FRMD3: variants seen among roughly 807,000 people sequenced by gnomAD.
The protein encoded by FRMD3 is FERM domain-containing protein 3.
A neutral mutation model predicts 70.2 loss-of-function variants in FRMD3; 33 were observed. The ratio of observed to expected loss-of-function variants is 0.47; its 90% CI spans 0.36 to 0.63. FRMD3 has a LOEUF of 0.63. FRMD3 is among the 20% of genes least tolerant of loss of function. The pLI is 0.00. For missense variants in FRMD3, 632 were observed against 711.4 expected, an observed-to-expected ratio of 0.89 and a Z score of 1.27; for synonymous variants, 279 against 255.9, an observed-to-expected ratio of 1.09 and a Z score of -0.86.
chr9:83,325,642 T>C (rs955168079), intron 6 of FRMD3, among the ~76,000 whole-genome samples: 2 of 152,168 alleles, frequency 1.3e-5, no homozygotes, highest in African/African-American at 4.8e-5. Flanking sequence ...TTCATTTAAA[T>C]TGCAACTTTT....
At chr9:83,510,416 C>T (rs548203792) in intron 1 of FRMD3, among the ~76,000 whole-genome samples, 2 of 152,320 alleles carry the variant, frequency 1.3e-5, no homozygotes, top group East Asian at 3.9e-4. Context: ...GATCCCTATG[C>T]ATGGCTGGCG....
chr9:83,405,932 C>A lies in FRMD3; in HGVS notation c.148-16224G>T, dbSNP rs190718384. ...TGACGAAAATTCTGCCAATTTTACT[C>A]GGTCACAGATTAAAGCAAACAGTAA... On this transcript the variant is annotated intron_variant, in intron 1 of 13. Transcript: ENST00000304195. 6.5e-4 allele frequency among the ~76,000 whole-genome samples: 99 copies of A among 152,188 alleles called. 1 individual carries two copies. The South Asian group carries it at 0.014, about 21-fold the overall frequency.
At chr9:83,358,146 A>G (rs909821731) in intron 3 of FRMD3, among the ~76,000 whole-genome samples, 3 of 152,142 alleles carry the variant, frequency 2.0e-5, no homozygotes, top group Admixed American at 2.0e-4. Context: ...TCATTCTTCT[A>G]TATGTGGCTT....
intron 1 of FRMD3, among the ~76,000 whole-genome samples, chr9:83,468,461 A>T (rs1158591332): frequency 6.6e-6 from 1 of 152,214 alleles, no homozygotes; most frequent in Non-Finnish European, 1.5e-5. Flanking sequence ...AGCACATGAG[A>T]GCAGTACCAC....
chr9:83,352,560 T>G (rs547385588), intron 3 of FRMD3, among the ~76,000 whole-genome samples: 1 of 152,184 alleles, frequency 6.6e-6, no homozygotes, highest in Non-Finnish European at 1.5e-5. Flanking sequence ...GCTCTGAGGC[T>G]CCAGGAAGGT....
At chr9:83,250,838 C>G (rs1281240971) in intron 13 of FRMD3, among the ~76,000 whole-genome samples, 2 of 152,218 alleles carry the variant, frequency 1.3e-5, no homozygotes, top group East Asian at 3.9e-4. Context: ...AGCCAGGGTT[C>G]TACAGACAGA....
intron 10 of FRMD3, among the ~76,000 whole-genome samples, chr9:83,304,663 C>T (rs1382160318): frequency 7.2e-5 from 11 of 152,228 alleles, no homozygotes. Context: ...GTCATACAGC[C>T]TCAACCATGT....
chr9:83,252,957 G>C (rs1832500506), intron 13 of FRMD3, among the ~76,000 whole-genome samples: 1 of 152,168 alleles, frequency 6.6e-6, no homozygotes, highest in South Asian at 2.1e-4. Context: ...GACAATATTA[G>C]ATAGATCATG....
intron 13 of FRMD3, among the ~76,000 whole-genome samples, chr9:83,253,366 A>G (rs1216770365): frequency 6.6e-6 from 1 of 152,222 alleles, no homozygotes; most frequent in African/African-American, 2.4e-5. Context: ...ATACAGCTAA[A>G]ACAGCATTAA....
At chr9:83,554,969 T>G in the FRMD3 span, among the ~76,000 whole-genome samples, 14 of 152,158 alleles carry the variant, frequency 9.2e-5, no homozygotes, top group African/African-American at 2.9e-4. Flanking sequence ...ATGACAAAGA[T>G]AGCAGGCAGC....
chr9:83,351,797 C>T (rs1380070287), intron 3 of FRMD3, among the ~76,000 whole-genome samples: 1 of 152,136 alleles, frequency 6.6e-6, no homozygotes, highest in Non-Finnish European at 1.5e-5. Flanking sequence ...CAGGTTCGTT[C>T]CTATCCAACT....
At chr9:83,490,792 T>A (rs754652459) in intron 1 of FRMD3, among the ~76,000 whole-genome samples, 6,582 of 118,964 alleles carry the variant, frequency 0.055, 183 homozygotes, top group East Asian at 0.2. Flanking sequence ...TCTCTCTCTC[T>A]CTCTCTCACA....
the FRMD3 span, among the ~76,000 whole-genome samples, chr9:83,576,003 G>A: frequency 5.2e-4 from 79 of 151,808 alleles, no homozygotes; most frequent in Middle Eastern, 3.4e-3. Flanking sequence ...AGGATCACTC[G>A]AAGCCAGGAG....
At chr9:83,339,356 G>A (rs76463166) in intron 5 of FRMD3, among the ~76,000 whole-genome samples, 3 of 152,112 alleles carry the variant, frequency 2.0e-5, no homozygotes, top group East Asian at 1.9e-4. Flanking sequence ...TGGGTAAGCC[G>A]CCATGGTTCT....
At chr9:83,494,858 T>TGTGC (rs781680772) in intron 1 of FRMD3, among the ~76,000 whole-genome samples, 37 of 148,828 alleles carry the variant, frequency 2.5e-4, no homozygotes, top group South Asian at 1.3e-3. Flanking sequence ...TGTGTGTGTG[T>TGTGC]GCGCGCGCGC....
chr9:83,389,123 T>G (rs143184911), intron 2 of FRMD3, among the ~76,000 whole-genome samples: 2,058 of 151,986 alleles, frequency 0.014, 62 homozygotes, highest in African/African-American at 0.048. Flanking sequence ...AATTTTTGTA[T>G]TTTTTGTAGA....
chr9:83,402,925 A>AT (rs1266609236), intron 1 of FRMD3, among the ~76,000 whole-genome samples: 171 of 81,190 alleles, frequency 2.1e-3, no homozygotes, highest in African/African-American at 8.6e-3. Context: ...TTTTTTTGAG[A>AT]TGGAGTTTCA....
At chr9:83,554,264 C>G in the FRMD3 span, among the ~76,000 whole-genome samples, 1 of 152,210 alleles carries the variant, frequency 6.6e-6, no homozygotes, top group East Asian at 1.9e-4. Flanking sequence ...CCTCTCAGTG[C>G]TCTGAAAGTG....
chr9:83,445,371 T>TAGATAGAC (rs1554706387), intron 1 of FRMD3, among the ~76,000 whole-genome samples: 1 of 151,180 alleles, frequency 6.6e-6, no homozygotes, highest in African/African-American at 2.4e-5. Context: ...GATAGATAGA[T>TAGATAGAC]AGATAGATAG....
Sources: gnomAD v4.1 joint callset for allele counts (sites outside exome capture counted in the v4.1 genomes callset) on GRCh38, gnomAD v4.1.1 for gene constraint, MANE v1.5 for transcripts, NCBI Gene and HGNC (gene_info 2026-07-23, HGNC 2026-07-21) for gene names.